NBEA: variants seen among roughly 807,000 people sequenced by gnomAD.
The protein encoded by NBEA is lysosomal-trafficking regulator 2.
NBEA carries 44 observed loss-of-function variants against 343.4 expected under a neutral mutation model. The observed-to-expected ratio is 0.13, with a 90% CI of 0.10 to 0.16. The LOEUF is 0.16. NBEA is among the 10% of genes least tolerant of loss of function. NBEA has a pLI of 1.00. For missense variants in NBEA, 2,555 were observed against 3,631.3 expected, an observed-to-expected ratio of 0.70 and a Z score of 7.62; for synonymous variants, 1,175 against 1,238.7, an observed-to-expected ratio of 0.95 and a Z score of 1.08.
intron 1 of NBEA, among the ~76,000 whole-genome samples, chr13:34,975,650 C>T (rs1005928864): frequency 2.0e-5 from 3 of 152,092 alleles, no homozygotes; most frequent in Admixed American, 1.3e-4. Context: ...AGAAAACCCA[C>T]AGAGTGGGAG....
At chr13:35,268,210 G>A (rs2033846899) in intron 34 of NBEA, among the ~76,000 whole-genome samples, 1 of 152,024 alleles carries the variant, frequency 6.6e-6, no homozygotes, top group Admixed American at 6.6e-5. Flanking sequence ...CAACATGAAT[G>A]ACCCTTGAGG....
At chr13:35,122,485 C>T (rs1351483252) in intron 16 of NBEA, among the ~76,000 whole-genome samples, 10 of 150,952 alleles carry the variant, frequency 6.6e-5, no homozygotes, top group Non-Finnish European at 1.3e-4. Flanking sequence ...AAACCAAATA[C>T]CACATGTTCT....
rs537023058 is a variant in NBEA, at chr13:35,330,275, A to G, written c.5904-18833A>G. Among the ~76,000 whole-genome samples, 5 of 152,208 alleles carry G rather than the reference A, an allele frequency of 3.3e-5. No homozygotes were observed. The East Asian group carries it at 7.7e-4, about 24-fold the overall frequency. Reference sequence around the variant, plus strand: ...AAAGCACTTAGCCTATTAAGTAATCAGTTCTCAATGTTTCTGGAACATAAT... The same window carrying G: ...AAAGCACTTAGCCTATTAAGTAATCGGTTCTCAATGTTTCTGGAACATAAT... On this transcript the variant is annotated intron_variant, in intron 36 of 58. Coordinates refer to ENST00000379939, the MANE Select transcript of NBEA (RefSeq NM_001385012.1).
At chr13:35,237,209 C>T (rs886351756) in intron 34 of NBEA, among the ~76,000 whole-genome samples, 1 of 151,968 alleles carries the variant, frequency 6.6e-6, no homozygotes, top group South Asian at 2.1e-4. Context: ...GAGCCACGAT[C>T]GTACCACTGC....
At chr13:35,384,704 G>T (rs2042163890) in intron 38 of NBEA, among the ~76,000 whole-genome samples, 1 of 151,574 alleles carries the variant, frequency 6.6e-6, no homozygotes, top group Non-Finnish European at 1.5e-5. Flanking sequence ...TTTTCTATTT[G>T]TTGTAGAGAC....
intron 1 of NBEA, among the ~76,000 whole-genome samples, chr13:34,988,851 A>G (rs1409616569): frequency 6.6e-6 from 1 of 150,732 alleles, no homozygotes; most frequent in Non-Finnish European, 1.5e-5. Context: ...TTTTCTGTAA[A>G]CAGCATGTAG....
intron 41 of NBEA, among the ~76,000 whole-genome samples, chr13:35,485,610 C>G (rs1022273445): frequency 7.2e-5 from 11 of 152,176 alleles, no homozygotes; most frequent in African/African-American, 1.9e-4. Context: ...GTGTCTCTGC[C>G]ACTTCTTGAT....
At chr13:35,257,743 C>A (rs7986810) in intron 34 of NBEA, among the ~76,000 whole-genome samples, 51,198 of 152,124 alleles carry the variant, frequency 0.34, 10,388 homozygotes, top group African/African-American at 0.57. Flanking sequence ...ACAGACTCCA[C>A]CTTTCTATAT....
At chr13:35,153,326 C>T (rs982031940) in intron 18 of NBEA, among the ~76,000 whole-genome samples, 7 of 152,072 alleles carry the variant, frequency 4.6e-5, no homozygotes, top group Non-Finnish European at 8.8e-5. Flanking sequence ...AGCCACCATG[C>T]CTGGCCACAT....
chr13:35,036,169 T>C (rs1196768682), intron 1 of NBEA, among the ~76,000 whole-genome samples: 1 of 152,038 alleles, frequency 6.6e-6, no homozygotes, highest in African/African-American at 2.4e-5. Flanking sequence ...CATTGTATAA[T>C]TTTTGGTTTG....
chr13:35,045,394 G>A lies in NBEA; in HGVS notation c.716G>A (p.Ser239Asn). The A allele has an allele frequency of 6.2e-7, 1 of 1,607,296 alleles. No homozygotes were observed. The highest frequency in any genetic ancestry group is 8.5e-7 in the Non-Finnish European group (1 of 1,175,942). Reference sequence around the variant, plus strand: ...ACTTTTTTCAATTTCCCTGGTTGTAGCGCTGCGGTAAGTTTTAAATACATG... The same window carrying A: ...ACTTTTTTCAATTTCCCTGGTTGTAACGCTGCGGTAAGTTTTAAATACATG... ...PDTFFNFPGC[S>N]AAAIALPPIA... is the part of the protein sequence containing the mutation. The change falls in exon 4 of 59, where the codon AGC (serine) becomes AAC (asparagine). Residue 239 changes from serine to asparagine, a missense_variant. By Grantham distance (46) the Ser-to-Asn change is conservative. Coordinates refer to ENST00000379939, the MANE Select transcript of NBEA (RefSeq NM_001385012.1).
chr13:35,422,992 GTTGT>G (rs1409079832), intron 38 of NBEA, among the ~76,000 whole-genome samples: 8 of 152,062 alleles, frequency 5.3e-5, no homozygotes, highest in Non-Finnish European at 8.8e-5. Context: ...TGTTGATGGG[GTTGT>G]TTGTTTTTTT....
intron 10 of NBEA, among the ~76,000 whole-genome samples, chr13:35,090,436 A>G (rs535954017): frequency 5.5e-4 from 84 of 152,104 alleles, no homozygotes; most frequent in Non-Finnish European, 9.7e-4. Context: ...AATTATTAAT[A>G]ACAAACATTG....
At chr13:35,029,799 A>T (rs1013653705) in intron 1 of NBEA, among the ~76,000 whole-genome samples, 2 of 151,654 alleles carry the variant, frequency 1.3e-5, no homozygotes, top group Admixed American at 6.6e-5. Flanking sequence ...TTGTATTTCA[A>T]AATTTTTATT....
chr13:35,433,506 G>A (rs2045247502), intron 39 of NBEA, among the ~76,000 whole-genome samples: 1 of 151,908 alleles, frequency 6.6e-6, no homozygotes, highest in Non-Finnish European at 1.5e-5. Context: ...GAATTGAACA[G>A]GGAAGTAATA....
chr13:35,643,995 G>A (rs2084096317), intron 49 of NBEA, among the ~76,000 whole-genome samples: 1 of 152,166 alleles, frequency 6.6e-6, no homozygotes, highest in Admixed American at 6.5e-5. Flanking sequence ...AAACGTTTTA[G>A]TAATGACAAG....
At chr13:35,463,733 G>A (rs1447553110) in intron 40 of NBEA, among the ~76,000 whole-genome samples, 1 of 152,042 alleles carries the variant, frequency 6.6e-6, no homozygotes, top group Non-Finnish European at 1.5e-5. Context: ...AGTAGAGGTT[G>A]GACTGAAACT....
At chr13:35,222,122 T>C (rs1261411332) in intron 33 of NBEA, among the ~76,000 whole-genome samples, 1 of 152,130 alleles carries the variant, frequency 6.6e-6, no homozygotes, top group East Asian at 1.9e-4. Flanking sequence ...GTGTAAATGT[T>C]AAAATGGCTT....
chr13:35,475,973 G>T, intron 41 of NBEA: 12 of 1,614,214 alleles, frequency 7.4e-6, no homozygotes, highest in Non-Finnish European at 1.0e-5. Context: ...ATCTCGTTGA[G>T]AGAGCTGATG....
Sources: gnomAD v4.1 joint callset for allele counts (sites outside exome capture counted in the v4.1 genomes callset) on GRCh38, gnomAD v4.1.1 for gene constraint, MANE v1.5 for transcripts, NCBI Gene and HGNC (gene_info 2026-07-23, HGNC 2026-07-21) for gene names.